Variants in NADSYN1 observed in about 807,000 individuals in gnomAD.
The protein encoded by NADSYN1 is NAD synthetase 1.
A neutral mutation model predicts 99.3 loss-of-function variants in NADSYN1; 80 were observed. The ratio of observed to expected loss-of-function variants is 0.81; its 90% CI spans 0.67 to 0.97. The LOEUF (loss-of-function observed/expected upper bound fraction) is 0.97, where lower values mean the gene tolerates loss of function less well. Ranked by LOEUF, NADSYN1 falls within the 50% of genes least tolerant of loss-of-function variation. The pLI, the probability that NADSYN1 is intolerant of heterozygous loss-of-function variation, is 0.00. For missense variants in NADSYN1, 859 were observed against 948.5 expected (o/e 0.91, Z 1.24); for synonymous variants, 385 against 372.1 (o/e 1.03, Z -0.40).
At position 71,453,214 on chromosome 11, in the gene NADSYN1, T is replaced by G; in HGVS notation, c.-83T>G. 8.0e-7 allele frequency: 1 copy of G among 1,250,618 alleles called. No homozygotes were observed. The highest frequency in any genetic ancestry group is 1.1e-6 in the Non-Finnish European group (1 of 878,048). The allele number at this position is 1,250,618 out of a possible 1,614,324, so 77.5% of individuals were successfully genotyped here. A position where few individuals can be genotyped will look rare whatever the true frequency, so the allele number is the denominator to read the frequency against. ...GGGCGGGGCCGGGCAACCCGGAAGG[T>G]CCGGCGTCCCAGCCGCCTACCTCGC... On this transcript the variant is annotated 5_prime_UTR_variant, in exon 1 of 21. Coordinates refer to ENST00000319023, the MANE Select transcript of NADSYN1 (RefSeq NM_018161.5).
intron 16 of NADSYN1, among the ~76,000 whole-genome samples, chr11:71,489,134 G>A (rs965213354): frequency 5.9e-5 from 9 of 152,148 alleles, no homozygotes; most frequent in Non-Finnish European, 1.2e-4. Context: ...GAGCTGAGAG[G>A]CTGTGTTGAA....
chr11:71,489,468 G>A (rs898027648), intron 16 of NADSYN1, among the ~76,000 whole-genome samples: 1 of 152,140 alleles, frequency 6.6e-6, no homozygotes, highest in Admixed American at 6.5e-5. Flanking sequence ...GCTCTGCACT[G>A]CGGGATTTCC....
At chr11:71,485,677 TG>T in intron 16 of NADSYN1, 29 bp downstream of exon 16, 1 of 1,511,334 alleles carries the variant, frequency 6.6e-7, no homozygotes, top group Non-Finnish European at 9.0e-7. Context: ...CACGTGGTGG[TG>T]GGCCCCTGAA....
intron 9 of NADSYN1, chr11:71,477,455 C>T (rs1182798821): frequency 1.6e-6 from 2 of 1,289,238 alleles, no homozygotes; most frequent in South Asian, 2.5e-5. Flanking sequence ...CCCCCTGTTA[C>T]GGCGGTAGGA....
intron 5 of NADSYN1, 79 bp from the exon 6 acceptor site, chr11:71,472,370 A>G: frequency 1.7e-6 from 2 of 1,193,260 alleles, no homozygotes; most frequent in East Asian, 2.3e-5. Context: ...GTTCAGTTTG[A>G]GTTTTGTTTA....
chr11:71,485,453 AT>A, intron 15 of NADSYN1, 88 bp from the exon 16 acceptor site: 3 of 1,017,478 alleles, frequency 2.9e-6, no homozygotes, highest in Non-Finnish European at 2.9e-6. Flanking sequence ...AGCTATTTTA[AT>A]TTTCTTGTTT....
At chr11:71,456,492 C>T (rs1004688110) in intron 2 of NADSYN1, among the ~76,000 whole-genome samples, 1 of 152,150 alleles carries the variant, frequency 6.6e-6, no homozygotes, top group East Asian at 1.9e-4. Context: ...TGGGCTGGTC[C>T]GGGGGCCTGA....
intron 2 of NADSYN1, among the ~76,000 whole-genome samples, chr11:71,457,193 C>T (rs961622034): frequency 2.0e-5 from 3 of 152,378 alleles, no homozygotes; most frequent in South Asian, 2.1e-4. Flanking sequence ...ACCCATGAAA[C>T]GGATCCGTTG....
At chr11:71,478,311 C>G (rs1949683201) in intron 9 of NADSYN1, 84 bp from the exon 10 acceptor site, 4 of 1,159,130 alleles carry the variant, frequency 3.5e-6, no homozygotes, top group Non-Finnish European at 5.1e-6. Flanking sequence ...GAAGGTGTGA[C>G]AACACCTTTG....
chr11:71,498,370 C>T lies in NADSYN1; in HGVS notation c.1912C>T (p.Arg638Trp), dbSNP rs150334532. Residue 638 changes from arginine to tryptophan, a missense_variant, in exon 20 of 21, where the codon CGG (arginine) becomes TGG (tryptophan). Transcript: ENST00000319023. Reference protein sequence around the residue: ...TPRQVADKVKRFFSKYSMNRH... With the variant: ...TPRQVADKVKWFFSKYSMNRH... ...CCACCAGGTCGCTGACAAAGTGAAG[C>T]GGTTTTTCTCCAAGTACTCCATGAA... The T allele has an allele frequency of 1.4e-5, 22 of 1,614,154 alleles. No individual in the cohort carries two copies. Among genetic ancestry groups the T allele is most frequent in the African/African-American group, 5.3e-5 (4 of 75,060 alleles).
rs1007234874 is a variant in NADSYN1 at position 71,464,093 on chromosome 11, G to A, written c.358G>A (p.Glu120Lys). 2 of 1,612,628 alleles carry A rather than the reference G, an allele frequency of 1.2e-6. No individual in the cohort carries two copies. The highest frequency in any genetic ancestry group is 2.7e-5 in the African/African-American group (2 of 74,916). The part of the protein sequence containing the change: ...LIRPKMALAN[E>K]GNYRELRWFT... Reference sequence around the variant, plus strand: ...CAGACCCAAGATGGCCTTGGCCAATGAAGGCAACTACCGCGAGCTGCGCTG... The same window carrying A: ...CAGACCCAAGATGGCCTTGGCCAATAAAGGCAACTACCGCGAGCTGCGCTG... Residue 120 changes from glutamate (E) to lysine (K), a missense_variant, in exon 5 of 21, where the codon GAA becomes AAA. By Grantham distance (56) the Glu-to-Lys change is moderately conservative. Coordinates refer to ENST00000319023, the MANE Select transcript of NADSYN1 (RefSeq NM_018161.5).
chr11:71,467,306 A>G (rs1035774846), intron 5 of NADSYN1, among the ~76,000 whole-genome samples: 4 of 152,202 alleles, frequency 2.6e-5, no homozygotes, highest in African/African-American at 9.7e-5. Context: ...GGCACAGGCA[A>G]ACAGACGTCT....
At position 71,491,860 on chromosome 11, in the gene NADSYN1, A is replaced by G. The variant is rs1389504324; in HGVS notation, c.1721A>G (p.Glu574Gly). The change falls in exon 18 of 21, where the codon GAG (glutamate) becomes GGG (glycine). Residue 574 changes from glutamate (E) to glycine (G), a missense_variant. Transcript: ENST00000319023. Reference sequence around the variant, plus strand: ...ATCCTGTTGGCGCCGGCCACCGCAGAGCTGGAGCCCTTGGCTGATGGACAG... The same window carrying G: ...ATCCTGTTGGCGCCGGCCACCGCAGGGCTGGAGCCCTTGGCTGATGGACAG... ...QSILLAPATA[E>G]LEPLADGQVS... 6.2e-7 allele frequency: 1 copy of G among 1,614,014 alleles called. No homozygotes were observed. The highest frequency in any genetic ancestry group is 8.5e-7 in the Non-Finnish European group (1 of 1,180,000).
chr11:71,463,324 C>G, intron 3 of NADSYN1, 108 bp from the exon 4 acceptor site: 1 of 1,006,298 alleles, frequency 9.9e-7, no homozygotes, highest in Non-Finnish European at 1.5e-6. Flanking sequence ...TCGGAGGAAG[C>G]TTCGTAGTAA....
At chr11:71,497,345 G>T in intron 18 of NADSYN1, 138 bp from the exon 19 acceptor site, 1 of 1,071,304 alleles carries the variant, frequency 9.3e-7, no homozygotes, top group African/African-American at 1.6e-5. Flanking sequence ...GCAATGGGGA[G>T]TAAAGCCCAC....
At chr11:71,498,134 CCCCGGTTTCATAGCATCAGAGGCA>C (rs1949832637) in intron 19 of NADSYN1, among the ~76,000 whole-genome samples, 194 bp from the exon 20 acceptor site, 3 of 152,062 alleles carry the variant, frequency 2.0e-5, no homozygotes, top group Admixed American at 2.0e-4. Context: ...AGGTGGGGGA[CCCCGGTTTCATAGCATCAGAGGCA>C]GGGGGACCCC....
chr11:71,481,280 G>A (rs1327084758), intron 11 of NADSYN1, 76 bp from the exon 12 acceptor site: 4 of 1,484,958 alleles, frequency 2.7e-6, no homozygotes, highest in South Asian at 1.1e-5. Flanking sequence ...GCCTCCTGGG[G>A]CCTGCTTGGG....
chr11:71,457,372 G>A (rs149854979), intron 2 of NADSYN1, among the ~76,000 whole-genome samples: 19 of 152,352 alleles, frequency 1.2e-4, no homozygotes, highest in Admixed American at 3.3e-4. Context: ...AGGTGTGTGC[G>A]AGGTTTGCTG....
intron 5 of NADSYN1, 54 bp downstream of exon 5, chr11:71,464,196 T>A: frequency 7.0e-7 from 1 of 1,424,614 alleles, no homozygotes. Context: ...CTCCGCTGTG[T>A]GTAGCCTTGG....
Sources: allele counts gnomAD v4.1 joint callset (sites outside exome capture counted in the v4.1 genomes callset), GRCh38; gene constraint gnomAD v4.1.1; transcripts MANE v1.5; gene names NCBI Gene and HGNC (gene_info 2026-07-23, HGNC 2026-07-21).